MIB1: variants seen among roughly 807,000 people sequenced by gnomAD.
MIB1 encodes the protein E3 ubiquitin-protein ligase MIB1.
A neutral mutation model predicts 124.5 loss-of-function variants in MIB1; 278 were observed. The ratio of observed to expected loss-of-function variants is 2.23; its 90% CI spans 2.02 to 2.47. MIB1 has a LOEUF of 2.47. Ranked by LOEUF, MIB1 falls within the 30% of genes most tolerant of loss-of-function variation. The probability of loss-of-function intolerance (pLI) is 0.00; values close to 1 mark genes in which losing one functional copy is unlikely to be tolerated. For synonymous variants in MIB1, 446 were observed against 429.4 expected (o/e 1.04, Z -0.48); for missense variants, 957 against 1,254.4 (o/e 0.76, Z 3.58).
At chr18:21,803,064 T>C (rs1402756667) in intron 9 of MIB1, among the ~76,000 whole-genome samples, 2 of 152,210 alleles carry the variant, frequency 1.3e-5, no homozygotes, top group African/African-American at 2.4e-5. Context: ...CTTTACACTG[T>C]GGCTTCCTGT....
chr18:21,858,593 G>T lies in MIB1; in HGVS notation c.2827G>T (p.Val943Phe), dbSNP rs200035428. 161 of 1,603,962 alleles carry T rather than the reference G, an allele frequency of 1.0e-4. 1 individual carries two copies. The highest frequency in any genetic ancestry group is 5.5e-4 in the Admixed American group (33 of 59,978). ...ACAAAAGGACAAGGATAATACCAAT[G>T]TCAATGCAGATGTGCAAAAGTTGCA... ...VLQKDKDNTN[V>F]NADVQKLQQQ... is the part of the protein sequence containing the mutation. Residue 943 changes from valine to phenylalanine, a missense_variant, in exon 20 of 21, where the codon GTC becomes TTC. Physicochemically the swap from Val to Phe is conservative, Grantham distance 50. Transcript: ENST00000261537.
rs143606644 is a variant in MIB1, at chr18:21,850,568, C to T, written c.2586+1180C>T. 1.4e-4 allele frequency among the ~76,000 whole-genome samples: 21 copies of T among 152,140 alleles called. No individual in the cohort carries two copies. In the East Asian group the frequency reaches 3.3e-3, roughly 24 times the overall value. ...TTATGATCCAAATTAATGTATCTTT[C>T]GTAGAATTTTTGGCACAGGAAAAAG... On this transcript the variant is annotated intron_variant, in intron 17 of 20. Transcript: ENST00000261537.
intron 1 of MIB1, among the ~76,000 whole-genome samples, chr18:21,710,311 C>T (rs1339077202): frequency 6.6e-6 from 1 of 151,878 alleles, no homozygotes; most frequent in Non-Finnish European, 1.5e-5. Context: ...CCAGGCTGGT[C>T]TAGAAATCCG....
chr18:21,764,410 C>T (rs372137394), intron 1 of MIB1, among the ~76,000 whole-genome samples: 18 of 152,122 alleles, frequency 1.2e-4, no homozygotes, highest in East Asian at 9.7e-4. Context: ...TCTTTCTTAT[C>T]GGGAAGTACC....
chr18:21,830,478 C>T (rs1568218556), intron 12 of MIB1: 1 of 152,052 alleles, frequency 6.6e-6, no homozygotes, highest in African/African-American at 2.4e-5. Context: ...ACTACATTAG[C>T]TCTTAACTTG....
intron 1 of MIB1, among the ~76,000 whole-genome samples, chr18:21,717,201 A>T (rs1403526958): frequency 1.3e-5 from 2 of 152,164 alleles, no homozygotes; most frequent in Non-Finnish European, 2.9e-5. Context: ...AATGTAGGAG[A>T]ATGAAACTGG....
intron 1 of MIB1, among the ~76,000 whole-genome samples, chr18:21,744,615 T>C (rs1182388734): frequency 1.2e-4 from 18 of 152,232 alleles, no homozygotes; most frequent in Admixed American, 1.2e-3. Context: ...CCTCAGTCTT[T>C]AGTCAGTGTC....
At chr18:21,805,142 A>G (rs1278912504) in intron 10 of MIB1, among the ~76,000 whole-genome samples, 1 of 151,844 alleles carries the variant, frequency 6.6e-6, no homozygotes, top group African/African-American at 2.4e-5. Flanking sequence ...CCTCCCCAGT[A>G]GCTGCGATTA....
upstream of MIB1, among the ~76,000 whole-genome samples, chr18:21,739,316 G>A (rs572181657): frequency 6.6e-6 from 1 of 152,192 alleles, no homozygotes; most frequent in African/African-American, 2.4e-5. Flanking sequence ...ACCAAAAGAA[G>A]TCCAGGACCA....
intron 3 of MIB1, among the ~76,000 whole-genome samples, chr18:21,770,956 G>C (rs1419362960): frequency 6.6e-6 from 1 of 152,026 alleles, no homozygotes; most frequent in Non-Finnish European, 1.5e-5. Context: ...AGATCTAGAG[G>C]CTTGATTAGA....
At chr18:21,799,122 C>T (rs1385233394) in intron 8 of MIB1, among the ~76,000 whole-genome samples, 1 of 151,892 alleles carries the variant, frequency 6.6e-6, no homozygotes, top group African/African-American at 2.4e-5. Context: ...TGGACTTGGC[C>T]CACTTTGTCA....
chr18:21,724,727 A>AATATATAT lies in MIB1; in HGVS notation n.167+19643_167+19650dup, dbSNP rs60650753. On this transcript the variant is annotated intron_variant and non_coding_transcript_variant, in intron 1 of 20. Transcript: ENST00000578646. ...CTCCCCCATCCAAAAAAAAAAAAAA[A>AATATATAT]ATATATATATATATATATATATATA... 7.1e-3 allele frequency among the ~76,000 whole-genome samples: 123 copies of AATATATAT among 17,340 alleles called. 4 individuals are homozygous for AATATATAT. Among genetic ancestry groups the AATATATAT allele is most frequent in the East Asian group, 9.9e-3 (5 of 506 alleles). The allele number at this position is 17,340 out of a possible 152,430, so 11.4% of individuals were successfully genotyped here. A position where few individuals can be genotyped will look rare whatever the true frequency, so the allele number is the denominator to read the frequency against.
At chr18:21,843,396 GAGATT>G (rs1291120028) in intron 14 of MIB1, among the ~76,000 whole-genome samples, 179 bp downstream of exon 14, 1 of 152,206 alleles carries the variant, frequency 6.6e-6, no homozygotes, top group African/African-American at 2.4e-5. Flanking sequence ...CCATATGCTT[GAGATT>G]GGCTTCTATA....
At position 21,867,466 on chromosome 18, in the gene MIB1, T is replaced by C. The variant is rs1320550553; in HGVS notation, c.*2800T>C. On this transcript the variant is annotated 3_prime_UTR_variant, in exon 21 of 21. Transcript: ENST00000261537. ...AATTTAACGTTCTTACTGCTTATACTATATACATATTTAATTTTGTTGGGA... is the reference window on the plus strand; with the variant it reads ...AATTTAACGTTCTTACTGCTTATACCATATACATATTTAATTTTGTTGGGA... 6.6e-6 allele frequency: 1 copy of C among 152,612 alleles called. No homozygotes were observed. The highest frequency in any genetic ancestry group is 1.5e-5 in the Non-Finnish European group (1 of 68,014). 9.5% of individuals were successfully genotyped at this position (152,612 alleles called of 1,614,324 possible).
At chr18:21,786,015 T>C (rs2041430897) in intron 6 of MIB1, among the ~76,000 whole-genome samples, 3 of 152,174 alleles carry the variant, frequency 2.0e-5, no homozygotes, top group Admixed American at 2.0e-4. Context: ...TTTCCTTCTC[T>C]TCTATTGCTT....
At chr18:21,723,384 A>T (rs1374226074) in intron 1 of MIB1, among the ~76,000 whole-genome samples, 2 of 152,122 alleles carry the variant, frequency 1.3e-5, no homozygotes, top group Admixed American at 1.3e-4. Context: ...TTATTGCAGA[A>T]TGATATTTAG....
Position 21,868,457 on chromosome 18 carries a change from A to C in MIB1, c.*3791A>C, listed in dbSNP as rs1202765507. 1 of 152,452 alleles carries C rather than the reference A, an allele frequency of 6.6e-6. No individual in the cohort carries two copies. Among genetic ancestry groups the C allele is most frequent in the Non-Finnish European group, 1.5e-5 (1 of 67,908 alleles). 9.4% of individuals were successfully genotyped at this position (152,452 alleles called of 1,614,324 possible). On this transcript the variant is annotated 3_prime_UTR_variant, in exon 21 of 21. Coordinates refer to ENST00000261537, the MANE Select transcript of MIB1 (RefSeq NM_020774.4). ...TTAGCAATTAAATTGAGTAGGTTTT[A>C]AATGTCTATTCATTGGAAGGGTTTG...
intron 6 of MIB1, 88 bp from the exon 7 acceptor site, chr18:21,791,286 C>T: frequency 1.9e-6 from 2 of 1,027,532 alleles, no homozygotes; most frequent in Non-Finnish European, 1.4e-6. Flanking sequence ...CAAAGGATTG[C>T]CTTACTCTTT....
At chr18:21,776,812 C>T (rs1447162471) in intron 4 of MIB1, among the ~76,000 whole-genome samples, 5 of 150,746 alleles carry the variant, frequency 3.3e-5, no homozygotes, top group South Asian at 2.1e-4. Flanking sequence ...GGTGAAACCT[C>T]GTAAAAATAC....
Sources: allele counts gnomAD v4.1 joint callset (sites outside exome capture counted in the v4.1 genomes callset), GRCh38; gene constraint gnomAD v4.1.1; transcripts MANE v1.5; gene names NCBI Gene and HGNC (gene_info 2026-07-23, HGNC 2026-07-21).